MICAL2: variants seen among roughly 807,000 people sequenced by gnomAD.
MICAL2 encodes the protein microtubule associated monooxygenase, calponin and LIM domain containing 2, also known as [F-actin]-monooxygenase MICAL2.
MICAL2 carries 77 observed loss-of-function variants against 127.3 expected under a neutral mutation model. The observed-to-expected ratio is 0.60, with a 90% CI of 0.50 to 0.73. The LOEUF (loss-of-function observed/expected upper bound fraction) is 0.73, where lower values mean the gene tolerates loss of function less well. Ranked by LOEUF, MICAL2 falls within the 30% of genes least tolerant of loss-of-function variation. The pLI, the probability that MICAL2 is intolerant of heterozygous loss-of-function variation, is 0.00. For missense variants in MICAL2, 1,351 were observed against 1,434.4 expected (o/e 0.94, Z 0.94); for synonymous variants, 570 against 551.1 (o/e 1.03, Z -0.48).
chr11:12,183,440 C>G (rs1407296773), intron 3 of MICAL2, among the ~76,000 whole-genome samples: 1 of 152,208 alleles, frequency 6.6e-6, no homozygotes, highest in Non-Finnish European at 1.5e-5. Context: ...GGCCCAGACA[C>G]AGAGCCTCTG....
At chr11:12,129,621 TTTC>T (rs200443025) in intron 1 of MICAL2, among the ~76,000 whole-genome samples, 2 of 129,234 alleles carry the variant, frequency 1.5e-5, no homozygotes, top group African/African-American at 3.1e-5. Context: ...TTCTACTCTG[TTTC>T]TTCTTCTTCT....
At chr11:12,212,858 G>T (rs1483678238) in intron 6 of MICAL2, among the ~76,000 whole-genome samples, 1 of 152,078 alleles carries the variant, frequency 6.6e-6, no homozygotes, top group African/African-American at 2.4e-5. Context: ...TTTTCAAGGG[G>T]GTCAGGAGCG....
intron 8 of MICAL2, among the ~76,000 whole-genome samples, chr11:12,218,011 C>T (rs1481086571): frequency 6.6e-6 from 1 of 152,200 alleles, no homozygotes; most frequent in Non-Finnish European, 1.5e-5. Flanking sequence ...TTCTGTTTTC[C>T]TCTCCCTACA....
upstream of MICAL2, chr11:12,275,986 A>T (rs1404901100): frequency 3.3e-5 from 13 of 399,134 alleles, no homozygotes; most frequent in Non-Finnish European, 4.9e-5. Context: ...CTCTCAGCAG[A>T]TGAGCCCACC....
At chr11:12,357,514 A>G (rs147788298) in intron 34 of MICAL2, among the ~76,000 whole-genome samples, 225 of 152,310 alleles carry the variant, frequency 1.5e-3, no homozygotes, top group African/African-American at 5.1e-3. Context: ...TGGTCCCTAA[A>G]CAAAAGGCTA....
intron 24 of MICAL2, among the ~76,000 whole-genome samples, chr11:12,269,881 G>A (rs1863655198): frequency 6.6e-6 from 1 of 152,340 alleles, no homozygotes; most frequent in African/African-American, 2.4e-5. Context: ...AGTACAGCAA[G>A]GCAGGACAGC....
intron 1 of MICAL2, among the ~76,000 whole-genome samples, chr11:12,118,979 T>A (rs1051441786): frequency 1.3e-5 from 2 of 152,196 alleles, no homozygotes; most frequent in African/African-American, 2.4e-5. Flanking sequence ...GTTCCTGAGC[T>A]TTTCTTTCCC....
intron 15 of MICAL2, among the ~76,000 whole-genome samples, chr11:12,232,902 T>C (rs1858490582): frequency 6.6e-6 from 1 of 152,172 alleles, no homozygotes; most frequent in Admixed American, 6.5e-5. Context: ...CAGTTTTAGA[T>C]TGCACACCAT....
At chr11:12,167,280 T>C (rs1855624146) in intron 3 of MICAL2, among the ~76,000 whole-genome samples, 1 of 152,146 alleles carries the variant, frequency 6.6e-6, no homozygotes, top group Non-Finnish European at 1.5e-5. Context: ...AACTCTTGCG[T>C]TATCTTTTTA....
intron 4 of MICAL2, 42 bp downstream of exon 4, chr11:12,204,499 T>C (rs1854422183): frequency 6.3e-7 from 1 of 1,589,440 alleles, no homozygotes; most frequent in East Asian, 2.2e-5. Context: ...GGGAGGGGAC[T>C]GACCCTGGGT....
At chr11:12,313,395 G>A (rs115874326) in intron 29 of MICAL2, among the ~76,000 whole-genome samples, 2,434 of 152,114 alleles carry the variant, frequency 0.016, 74 homozygotes, top group African/African-American at 0.056. Flanking sequence ...CAGGAGAGCA[G>A]GAGAAGGTCA....
intron 29 of MICAL2, among the ~76,000 whole-genome samples, chr11:12,306,398 A>G (rs946974310): frequency 6.6e-6 from 1 of 152,158 alleles, no homozygotes; most frequent in South Asian, 2.1e-4. Flanking sequence ...GTGATTGACT[A>G]TATGGTCATT....
rs144626195 is a variant in MICAL2 at position 12,281,190 on chromosome 11, A to G, written c.254+91A>G. 989 of 398,376 alleles carry G rather than the reference A, an allele frequency of 2.5e-3. 14 individuals carry two copies. The highest frequency in any genetic ancestry group is 0.018 in the African/African-American group (891 of 48,754). The allele number at this position is 398,376 out of a possible 1,614,324, so 24.7% of individuals were successfully genotyped here. A position where few individuals can be genotyped will look rare whatever the true frequency, so the allele number is the denominator to read the frequency against. On this transcript the variant is annotated intron_variant, in intron 2 of 2. Coordinates refer to the MICAL2 transcript ENST00000529028. ...AATTTCCCTCTTGGAGGACCAGGTG[A>G]CAGGAAGCCTCGCCCTCAGGCTTCA...
At chr11:12,288,467 G>T (rs1863854596), downstream of MICAL2, among the ~76,000 whole-genome samples, 1 of 152,346 alleles carries the variant, frequency 6.6e-6, no homozygotes, top group East Asian at 1.9e-4. Context: ...TGGGTCGCTG[G>T]GGGAGGTGCA....
chr11:12,151,380 C>T (rs2133721391), intron 2 of MICAL2, among the ~76,000 whole-genome samples: 1 of 152,234 alleles, frequency 6.6e-6, no homozygotes. Flanking sequence ...TAAGAGACAT[C>T]TTAATTCCCA....
At chr11:12,286,352 T>A (rs1476196685) in intron 2 of MICAL2, among the ~76,000 whole-genome samples, 1 of 152,212 alleles carries the variant, frequency 6.6e-6, no homozygotes, top group Non-Finnish European at 1.5e-5. Context: ...TTTTAATGTA[T>A]TACATATATG....
At chr11:12,200,381 T>A (rs1860546852) in intron 3 of MICAL2, among the ~76,000 whole-genome samples, 1 of 152,200 alleles carries the variant, frequency 6.6e-6, no homozygotes, top group Non-Finnish European at 1.5e-5. Context: ...CTGTGGTCTG[T>A]TTGGACCACA....
intron 7 of MICAL2, 127 bp downstream of exon 7, chr11:12,213,537 C>G (rs1855785144): frequency 1.1e-6 from 1 of 881,230 alleles, no homozygotes; most frequent in Non-Finnish European, 1.7e-6. Flanking sequence ...AGAGTGGAAG[C>G]AATGATTTTC....
At chr11:12,249,723 G>A (rs1389784570) in intron 22 of MICAL2, among the ~76,000 whole-genome samples, 2 of 152,252 alleles carry the variant, frequency 1.3e-5, no homozygotes, top group Non-Finnish European at 2.9e-5. Flanking sequence ...CTTGCTCGAT[G>A]CTCCTGGCAG....
Sources: allele counts gnomAD v4.1 joint callset (sites outside exome capture counted in the v4.1 genomes callset), GRCh38; gene constraint gnomAD v4.1.1; transcripts MANE v1.5; gene names NCBI Gene and HGNC (gene_info 2026-07-23, HGNC 2026-07-21).